Variants in HNRNPLL observed in about 807,000 individuals in gnomAD.
The protein encoded by HNRNPLL is heterogeneous nuclear ribonucleoprotein L-like.
HNRNPLL carries 25 observed loss-of-function variants against 67.1 expected under a neutral mutation model. The ratio of observed to expected loss-of-function variants is 0.37; its 90% CI spans 0.27 to 0.52. The LOEUF is 0.52. Among genes scored for constraint, HNRNPLL ranks in the 20% least tolerant of loss-of-function variants. The probability of loss-of-function intolerance (pLI) is 0.90; values close to 1 mark genes in which losing one functional copy is unlikely to be tolerated. For synonymous variants in HNRNPLL, 267 were observed against 241.7 expected, an observed-to-expected ratio of 1.10 and a Z score of -0.97; for missense variants, 542 against 673.9, an observed-to-expected ratio of 0.80 and a Z score of 2.17.
intron 1 of HNRNPLL, among the ~76,000 whole-genome samples, chr2:38,592,458 C>T (rs1667001551): frequency 6.6e-6 from 1 of 152,180 alleles, no homozygotes; most frequent in South Asian, 2.1e-4. Flanking sequence ...ACTCACTTAG[C>T]AGTATTAATT....
chr2:38,574,574 A>C (rs1380266751), intron 7 of HNRNPLL, among the ~76,000 whole-genome samples: 1 of 151,848 alleles, frequency 6.6e-6, no homozygotes, highest in African/African-American at 2.4e-5. Context: ...AGAACTACTA[A>C]ATTTTGGTAT....
At chr2:38,567,830 T>C (rs570006991) in intron 12 of HNRNPLL, among the ~76,000 whole-genome samples, 54 of 152,258 alleles carry the variant, frequency 3.5e-4, no homozygotes, top group African/African-American at 1.3e-3. Flanking sequence ...CACACAACCA[T>C]ATGAGTGCGC....
chr2:38,590,318 C>T (rs944428234), intron 2 of HNRNPLL, among the ~76,000 whole-genome samples: 4 of 152,212 alleles, frequency 2.6e-5, no homozygotes, highest in African/African-American at 9.6e-5. Context: ...ATTATCTATG[C>T]ATTTTCCTCT....
chr2:38,570,157 G>A (rs1666014990), intron 8 of HNRNPLL, among the ~76,000 whole-genome samples: 1 of 152,152 alleles, frequency 6.6e-6, no homozygotes, highest in Non-Finnish European at 1.5e-5. Context: ...CCCTAACTCT[G>A]TTATGTATTA....
intron 1 of HNRNPLL, chr2:38,602,076 TCC>T (rs1667460718): frequency 3.8e-6 from 1 of 261,758 alleles, no homozygotes; most frequent in Non-Finnish European, 7.3e-6. Flanking sequence ...GAACCGGTGG[TCC>T]CGACGCTGGC....
intron 12 of HNRNPLL, 39 bp from the exon 13 acceptor site, chr2:38,564,276 A>C (rs769706885): frequency 1.2e-5 from 14 of 1,138,120 alleles, no homozygotes; most frequent in Admixed American, 1.8e-5. Context: ...TCACTTCATC[A>C]AACTTTCAAG....
Position 38,591,698 on chromosome 2 carries a change from G to A in HNRNPLL, c.190-50C>T, listed in dbSNP as rs115697876. On this transcript the variant is annotated intron_variant, in intron 1 of 12. Transcript: ENST00000449105. ...TTAAAAAAATTTTAAGTCTAAGGCC[G>A]AACGCGGTGGCTCACGCCTGTAATC... The A allele has an allele frequency of 1.7e-3, 2,023 of 1,203,878 alleles. 28 individuals are homozygous for A. The African/African-American group carries it at 0.027, about 16-fold the overall frequency. The allele number at this position is 1,203,878 out of a possible 1,614,324, so 74.6% of individuals were successfully genotyped here.
rs376546954 is a variant in HNRNPLL, at chr2:38,573,269, G to A, written c.1033C>T (p.Leu345=). The part of the protein sequence containing the change: ...SVVMVSGLHQ[L]KMNCSRVFNL... ...AAGACTCTTGAACAATTCATTTTTA[G>A]TTGATGTAATCCACTAACCATTACA... Residue 345 remains leucine (L), a synonymous_variant, in exon 8 of 13, where the codon CTA becomes TTA. Transcript: ENST00000449105. 4 of 1,610,672 alleles carry A rather than the reference G, an allele frequency of 2.5e-6. No individual in the cohort carries two copies. The highest frequency in any genetic ancestry group is 3.4e-6 in the Non-Finnish European group (4 of 1,178,620).
At chr2:38,601,815 G>A (rs937282296) in intron 1 of HNRNPLL, among the ~76,000 whole-genome samples, 1 of 152,192 alleles carries the variant, frequency 6.6e-6, no homozygotes, top group African/African-American at 2.4e-5. Flanking sequence ...AACCGAAGAG[G>A]TAAAAAGTGT....
intron 1 of HNRNPLL, among the ~76,000 whole-genome samples, chr2:38,598,101 AAAAAC>A (rs78676957): frequency 0.12 from 18,524 of 152,084 alleles, 1,209 homozygotes; most frequent in African/African-American, 0.14. Flanking sequence ...ATAAAAACAT[AAAAAC>A]AAAACAAAAC....
At chr2:38,593,969 T>A (rs535584460) in intron 1 of HNRNPLL, among the ~76,000 whole-genome samples, 1 of 152,198 alleles carries the variant, frequency 6.6e-6, no homozygotes, top group East Asian at 1.9e-4. Context: ...GGTCAGGAGT[T>A]CGAGACCACC....
At chr2:38,586,607 C>A (rs1461020952) in intron 2 of HNRNPLL, among the ~76,000 whole-genome samples, 1 of 152,186 alleles carries the variant, frequency 6.6e-6, no homozygotes, top group Non-Finnish European at 1.5e-5. Flanking sequence ...AACATCCATA[C>A]TAACAGCTAA....
At chr2:38,582,748 C>T (rs1666583188) in intron 4 of HNRNPLL, among the ~76,000 whole-genome samples, 1 of 151,912 alleles carries the variant, frequency 6.6e-6, no homozygotes, top group African/African-American at 2.4e-5. Flanking sequence ...GGTGAAGCCC[C>T]ATCTCTACTA....
chr2:38,577,409 A>T, intron 7 of HNRNPLL, 52 bp downstream of exon 7: 1 of 1,091,580 alleles, frequency 9.2e-7, no homozygotes, highest in Non-Finnish European at 1.4e-6. Context: ...TCAGAAATGC[A>T]GCAAGTCAAA....
chr2:38,578,830 C>G (rs921749250), intron 6 of HNRNPLL, among the ~76,000 whole-genome samples: 4 of 152,020 alleles, frequency 2.6e-5, no homozygotes. Flanking sequence ...CAGACTTAGT[C>G]GTTGGCCAAA....
At chr2:38,571,838 A>G (rs1666096276) in intron 8 of HNRNPLL, among the ~76,000 whole-genome samples, 1 of 152,198 alleles carries the variant, frequency 6.6e-6, no homozygotes. Flanking sequence ...GAAAGGGACT[A>G]GAATTAGTCA....
In HNRNPLL at chr2:38,602,629, C is replaced by A. The variant is rs1321310874; in HGVS notation, c.-3G>T. On this transcript the variant is annotated 5_prime_UTR_variant, in exon 1 of 13. Transcript: ENST00000449105. ...GGGGAGGAAGAGGAGGAGGACATGGCGGCGGCCGGAGGGACCGGCTGGCAG... is the reference window on the plus strand; with the variant it reads ...GGGGAGGAAGAGGAGGAGGACATGGAGGCGGCCGGAGGGACCGGCTGGCAG... 6.6e-7 allele frequency: 1 copy of A among 1,506,106 alleles called. No individual in the cohort carries two copies. The highest frequency in any genetic ancestry group is 2.3e-5 in the Admixed American group (1 of 43,968). 93.3% of individuals were successfully genotyped at this position (1,506,106 alleles called of 1,614,324 possible). A position where few individuals can be genotyped will look rare whatever the true frequency, so the allele number is the denominator to read the frequency against.
In HNRNPLL at chr2:38,568,147, T is replaced by C. The variant is rs1046476438; in HGVS notation, c.1573+52A>G. ...TTTTATATTACCATGAATGTTTCTG[T>C]GATGGTAACTGCCACTACATAATTA... On this transcript the variant is annotated intron_variant, in intron 12 of 12. Coordinates refer to ENST00000449105, the MANE Select transcript of HNRNPLL (RefSeq NM_138394.4). 2.8e-6 allele frequency: 3 copies of C among 1,065,764 alleles called. No individual in the cohort carries two copies. In the African/African-American group the frequency reaches 4.7e-5, roughly 17 times the overall value. 66.0% of individuals were successfully genotyped at this position (1,065,764 alleles called of 1,614,324 possible).
chr2:38,568,522 C>A, intron 10 of HNRNPLL, 79 bp from the exon 11 acceptor site: 1 of 898,924 alleles, frequency 1.1e-6, no homozygotes, highest in Non-Finnish European at 1.7e-6. Context: ...AACTTTATGG[C>A]AGAATTTAAG....
Sources: gnomAD v4.1 joint callset for allele counts (sites outside exome capture counted in the v4.1 genomes callset) on GRCh38, gnomAD v4.1.1 for gene constraint, MANE v1.5 for transcripts, NCBI Gene and HGNC (gene_info 2026-07-23, HGNC 2026-07-21) for gene names.